Variants in PITPNC1 observed in about 807,000 individuals in gnomAD.
The protein encoded by PITPNC1 is phosphatidylinositol transfer protein cytoplasmic 1.
PITPNC1 carries 18 observed loss-of-function variants against 44.7 expected under a neutral mutation model. The observed-to-expected ratio is 0.40, with a 90% CI of 0.28 to 0.60. PITPNC1 has a LOEUF of 0.60. Ranked by LOEUF, PITPNC1 falls within the 20% of genes least tolerant of loss-of-function variation. The pLI is 0.39. For missense variants in PITPNC1, 290 were observed against 418.4 expected (o/e 0.69, Z 2.68); for synonymous variants, 141 against 149.6 (o/e 0.94, Z 0.42).
chr17:67,438,892 A>T (rs1251996885), intron 1 of PITPNC1, among the ~76,000 whole-genome samples: 1 of 152,206 alleles, frequency 6.6e-6, no homozygotes, highest in African/African-American at 2.4e-5. Context: ...CCTGCCAGAG[A>T]TCCACCTGCT....
intron 5 of PITPNC1, among the ~76,000 whole-genome samples, chr17:67,614,759 C>G (rs1044093643): frequency 6.6e-6 from 1 of 151,514 alleles, no homozygotes; most frequent in Admixed American, 6.6e-5. Context: ...TACCTGTAAT[C>G]CCAGGACTTT....
chr17:67,437,109 A>T (rs1303692196), intron 1 of PITPNC1, among the ~76,000 whole-genome samples: 1 of 151,544 alleles, frequency 6.6e-6, no homozygotes, highest in Admixed American at 6.6e-5. Context: ...TAGTGGAGAC[A>T]GGGTTTCGCC....
At chr17:67,618,322 G>A (rs1452392006) in intron 5 of PITPNC1, among the ~76,000 whole-genome samples, 10 of 117,686 alleles carry the variant, frequency 8.5e-5, no homozygotes, top group East Asian at 8.2e-4. Flanking sequence ...CTGACATCGC[G>A]CCACTGCACT....
intron 1 of PITPNC1, among the ~76,000 whole-genome samples, chr17:67,531,641 C>G (rs554448701): frequency 6.6e-6 from 1 of 152,326 alleles, no homozygotes; most frequent in Admixed American, 6.5e-5. Context: ...CATCTGCCCC[C>G]TTAATTTAAA....
At chr17:67,440,995 C>T (rs1963528354) in intron 1 of PITPNC1, among the ~76,000 whole-genome samples, 1 of 152,240 alleles carries the variant, frequency 6.6e-6, no homozygotes, top group South Asian at 2.1e-4. Flanking sequence ...GGCGATGCAA[C>T]CAGGTAGTAC....
chr17:67,435,087 T>A (rs1478973794), intron 1 of PITPNC1, among the ~76,000 whole-genome samples: 2 of 119,018 alleles, frequency 1.7e-5, no homozygotes, highest in Non-Finnish European at 3.2e-5. Context: ...CCAGCCTGGG[T>A]GACAGAGCGA....
At chr17:67,514,662 T>TA (rs1265751064) in intron 1 of PITPNC1, among the ~76,000 whole-genome samples, 1 of 151,366 alleles carries the variant, frequency 6.6e-6, no homozygotes, top group Non-Finnish European at 1.5e-5. Flanking sequence ...CCATCTCTAC[T>TA]AAAAAATACA....
intron 1 of PITPNC1, among the ~76,000 whole-genome samples, chr17:67,378,574 G>A (rs182071390): frequency 0.022 from 3,290 of 152,228 alleles, 51 homozygotes; most frequent in Non-Finnish European, 0.034. Flanking sequence ...TCCCGTCCTG[G>A]CCGTGGGCCC....
intron 1 of PITPNC1, among the ~76,000 whole-genome samples, chr17:67,425,193 G>GCGCGCGCGCGCGCGCGCCCACACA (rs1160522771): frequency 3.8e-5 from 2 of 52,118 alleles, no homozygotes. Context: ...TTGTGCGCGC[G>GCGCGCGCGCGCGCGCGCCCACACA]CACGCACACG....
chr17:67,532,706 G>A (rs2040478803), intron 1 of PITPNC1, 96 bp from the exon 2 acceptor site: 1 of 946,540 alleles, frequency 1.1e-6, no homozygotes. Flanking sequence ...AGCAGAAGGT[G>A]CTGATGTTAT....
At chr17:67,418,541 T>C (rs1263115157) in intron 1 of PITPNC1, among the ~76,000 whole-genome samples, 2 of 151,988 alleles carry the variant, frequency 1.3e-5, no homozygotes, top group African/African-American at 4.8e-5. Context: ...TAGCTGAGGA[T>C]GGGGGCATAT....
At chr17:67,383,067 C>T (rs1003264674) in intron 1 of PITPNC1, among the ~76,000 whole-genome samples, 1 of 152,026 alleles carries the variant, frequency 6.6e-6, no homozygotes, top group Non-Finnish European at 1.5e-5. Context: ...GCAATCTTGG[C>T]TCACTGAAAC....
At chr17:67,412,514 A>C (rs2038516717) in intron 1 of PITPNC1, among the ~76,000 whole-genome samples, 1 of 152,170 alleles carries the variant, frequency 6.6e-6, no homozygotes, top group Non-Finnish European at 1.5e-5. Context: ...AAAAGAGAAG[A>C]AATCAGAACA....
chr17:67,416,356 T>C (rs2038589752), intron 1 of PITPNC1, among the ~76,000 whole-genome samples: 1 of 151,654 alleles, frequency 6.6e-6, no homozygotes, highest in South Asian at 2.1e-4. Context: ...GCTGGGATTA[T>C]AGGTGCCAGC....
intron 1 of PITPNC1, among the ~76,000 whole-genome samples, chr17:67,454,462 T>C (rs1394810324): frequency 6.6e-6 from 1 of 152,166 alleles, no homozygotes; most frequent in Non-Finnish European, 1.5e-5. Flanking sequence ...GAATGACATA[T>C]TATACTTTTT....
At chr17:67,556,760 C>G (rs926543770) in intron 4 of PITPNC1, among the ~76,000 whole-genome samples, 1 of 151,754 alleles carries the variant, frequency 6.6e-6, no homozygotes, top group African/African-American at 2.4e-5. Context: ...ACTCCAAGAG[C>G]CTTCCTGCCT....
At chr17:67,568,916 G>T (rs557210426) in intron 4 of PITPNC1, among the ~76,000 whole-genome samples, 16 of 152,300 alleles carry the variant, frequency 1.1e-4, no homozygotes, top group Non-Finnish European at 1.6e-4. Flanking sequence ...CCACAGGCTA[G>T]GTGCTGTGGA....
intron 1 of PITPNC1, chr17:67,524,370 T>A (rs1335006260): frequency 6.6e-6 from 1 of 151,722 alleles, no homozygotes; most frequent in East Asian, 1.9e-4. Context: ...GCTTGAGCAC[T>A]GGGGGTCAAG....
chr17:67,683,977 C>CAA (rs79101364), intron 8 of PITPNC1, among the ~76,000 whole-genome samples: 28 of 61,592 alleles, frequency 4.5e-4, no homozygotes, highest in African/African-American at 8.6e-4. Context: ...GACTCTGTCT[C>CAA]AAAAAAAAAA....
Sources: gnomAD v4.1 joint callset for allele counts (sites outside exome capture counted in the v4.1 genomes callset) on GRCh38, gnomAD v4.1.1 for gene constraint, MANE v1.5 for transcripts, NCBI Gene and HGNC (gene_info 2026-07-23, HGNC 2026-07-21) for gene names.